CTNND2: variants seen among roughly 807,000 people sequenced by gnomAD.
CTNND2 encodes the protein catenin delta-2.
Under a neutral mutation model 144.4 loss-of-function variants are expected in CTNND2, and 22 were observed. That is an observed-to-expected ratio of 0.15 (90% confidence interval 0.11 to 0.22). CTNND2 has a LOEUF of 0.22. Ranked by LOEUF, CTNND2 falls within the 10% of genes least tolerant of loss-of-function variation. The probability of loss-of-function intolerance (pLI) is 1.00; values close to 1 mark genes in which losing one functional copy is unlikely to be tolerated. For missense variants in CTNND2, 1,353 were observed against 1,618.8 expected, an observed-to-expected ratio of 0.84 and a Z score of 2.82; for synonymous variants, 751 against 695.6, an observed-to-expected ratio of 1.08 and a Z score of -1.25.
At position 11,716,822 on chromosome 5, in the gene CTNND2, G is replaced by T. The variant is rs933529346; in HGVS notation, c.174+15314C>A. Among the ~76,000 whole-genome samples the T allele has an allele frequency of 5.9e-5, 9 of 152,112 alleles. No homozygotes were observed. The South Asian group carries it at 1.9e-3, about 32-fold the overall frequency. Reference sequence around the variant, plus strand: ...CTACCTCAGCCTCCCAAGTAGCTGGGATTACAGGTGTCCATCATCATGCCC... The same window carrying T: ...CTACCTCAGCCTCCCAAGTAGCTGGTATTACAGGTGTCCATCATCATGCCC... On this transcript the variant is annotated intron_variant, in intron 2 of 21. Coordinates refer to ENST00000304623, the MANE Select transcript of CTNND2 (RefSeq NM_001332.4).
chr5:11,844,275 A>C (rs1310168222), intron 1 of CTNND2, among the ~76,000 whole-genome samples: 3 of 152,182 alleles, frequency 2.0e-5, no homozygotes, highest in African/African-American at 7.2e-5. Context: ...AGTCTGTGTA[A>C]TAGCTCCCTG....
chr5:10,991,068 G>A (rs903408455), intron 19 of CTNND2, among the ~76,000 whole-genome samples: 1 of 152,240 alleles, frequency 6.6e-6, no homozygotes, highest in African/African-American at 2.4e-5. Context: ...CTTCTGAGAT[G>A]GGTGGACGTT....
At chr5:11,489,226 T>C (rs1189929025) in intron 3 of CTNND2, among the ~76,000 whole-genome samples, 2 of 152,216 alleles carry the variant, frequency 1.3e-5, no homozygotes, top group East Asian at 1.9e-4. Context: ...TGTTCTGTTT[T>C]TAATGTTAGC....
chr5:11,692,382 A>G (rs1190662819), intron 2 of CTNND2, among the ~76,000 whole-genome samples: 1 of 152,258 alleles, frequency 6.6e-6, no homozygotes, highest in Non-Finnish European at 1.5e-5. Context: ...TGAAAACACA[A>G]GTGGCCAGAT....
intron 3 of CTNND2, among the ~76,000 whole-genome samples, chr5:11,529,146 C>G (rs1773521576): frequency 6.6e-6 from 1 of 152,096 alleles, no homozygotes; most frequent in Admixed American, 6.6e-5. Context: ...GGGTTGCTTG[C>G]CACTGACCAA....
At chr5:11,350,235 C>T (rs1425805689) in intron 8 of CTNND2, among the ~76,000 whole-genome samples, 1 of 152,046 alleles carries the variant, frequency 6.6e-6, no homozygotes. Context: ...TACTGAAAAA[C>T]ATATTACGAG....
At chr5:11,697,037 A>G (rs1441564887) in intron 2 of CTNND2, among the ~76,000 whole-genome samples, 1 of 152,230 alleles carries the variant, frequency 6.6e-6, no homozygotes, top group South Asian at 2.1e-4. Context: ...AAATGTTTAA[A>G]TAATTCAGCC....
At chr5:11,702,509 C>T (rs1294051783) in intron 2 of CTNND2, among the ~76,000 whole-genome samples, 1 of 152,180 alleles carries the variant, frequency 6.6e-6, no homozygotes, top group Non-Finnish European at 1.5e-5. Context: ...ATCAGCTCTG[C>T]TTCTCTTTTT....
chr5:11,775,763 G>A (rs900291095), intron 1 of CTNND2, among the ~76,000 whole-genome samples: 4 of 152,272 alleles, frequency 2.6e-5, no homozygotes, highest in East Asian at 1.9e-4. Flanking sequence ...ATATACCCCC[G>A]ACATTTATGT....
intron 1 of CTNND2, among the ~76,000 whole-genome samples, chr5:11,763,060 C>T (rs1789366536): frequency 6.6e-6 from 1 of 152,074 alleles, no homozygotes; most frequent in Non-Finnish European, 1.5e-5. Flanking sequence ...ACAGTGAGTT[C>T]TCATGAGACC....
chr5:11,233,748 A>AG lies in CTNND2; in HGVS notation c.1761+2942_1761+2943insC, dbSNP rs1561063342. On this transcript the variant is annotated intron_variant, in intron 10 of 21. Transcript: ENST00000304623. ...TGTGTGTGTGTGTGTGTGTGTGTGT[A>AG]TGTGTATATGCACATATGCACGCCT... is the stretch of plus-strand genomic sequence containing the variant. Among the ~76,000 whole-genome samples the AG allele has an allele frequency of 2.0e-4, 25 of 125,266 alleles. No individual in the cohort carries two copies. In the South Asian group the frequency reaches 3.1e-3, roughly 15 times the overall value. 82.2% of individuals were successfully genotyped at this position (125,266 alleles called of 152,430 possible). A position where few individuals can be genotyped will look rare whatever the true frequency, so the allele number is the denominator to read the frequency against.
chr5:11,849,962 G>A (rs1794938346), intron 1 of CTNND2, among the ~76,000 whole-genome samples: 2 of 152,184 alleles, frequency 1.3e-5, no homozygotes, highest in Admixed American at 1.3e-4. Flanking sequence ...TAAGATAGGA[G>A]GTTTAAAATA....
At chr5:11,653,724 A>G (rs1581672869) in intron 2 of CTNND2, among the ~76,000 whole-genome samples, 1 of 150,614 alleles carries the variant, frequency 6.6e-6, no homozygotes, top group Admixed American at 6.6e-5. Context: ...ATGCTGTGTC[A>G]AAACTTTTTA....
intron 1 of CTNND2, among the ~76,000 whole-genome samples, chr5:11,762,969 T>C (rs573342805): frequency 2.6e-5 from 4 of 152,190 alleles, no homozygotes; most frequent in Admixed American, 6.5e-5. Context: ...TCATGTTGAA[T>C]TGTAATCTCC....
intron 19 of CTNND2, among the ~76,000 whole-genome samples, chr5:10,990,312 T>C (rs1012174901): frequency 6.6e-6 from 1 of 152,164 alleles, no homozygotes; most frequent in African/African-American, 2.4e-5. Context: ...CGTATGAAGA[T>C]TGGGGTTCTG....
chr5:11,005,305 A>G (rs1167774871), intron 18 of CTNND2, among the ~76,000 whole-genome samples: 1 of 152,246 alleles, frequency 6.6e-6, no homozygotes, highest in Non-Finnish European at 1.5e-5. Context: ...GACGGAAGTC[A>G]GCGCAGGGAG....
intron 1 of CTNND2, among the ~76,000 whole-genome samples, chr5:11,879,359 A>ATG (rs1735845872): frequency 1.4e-5 from 2 of 144,196 alleles, no homozygotes; most frequent in South Asian, 4.5e-4. Context: ...ATATATATAC[A>ATG]TATACACACA....
intron 16 of CTNND2, among the ~76,000 whole-genome samples, chr5:11,080,463 C>T (rs981370455): frequency 2.6e-5 from 4 of 152,160 alleles, no homozygotes; most frequent in South Asian, 2.1e-4. Context: ...CCAGTAATCC[C>T]ACTTCTGGGT....
chr5:11,643,975 T>C (rs181758900), intron 2 of CTNND2, among the ~76,000 whole-genome samples: 92 of 152,214 alleles, frequency 6.0e-4, no homozygotes, highest in African/African-American at 2.1e-3. Flanking sequence ...GAAGAAATGT[T>C]AAAAAAAGGA....
Sources: allele counts gnomAD v4.1 joint callset (sites outside exome capture counted in the v4.1 genomes callset), GRCh38; gene constraint gnomAD v4.1.1; transcripts MANE v1.5; gene names NCBI Gene and HGNC (gene_info 2026-07-23, HGNC 2026-07-21).